Variants in LCLAT1 observed in about 807,000 individuals in gnomAD.
The protein encoded by LCLAT1 is 1-AGP acyltransferase 8.
LCLAT1 carries 11 observed loss-of-function variants against 30.7 expected under a neutral mutation model. The ratio of observed to expected loss-of-function variants is 0.36; its 90% CI spans 0.23 to 0.59. The LOEUF is 0.59. LCLAT1 is among the 20% of genes least tolerant of loss of function. The pLI is 0.77. For synonymous variants in LCLAT1, 155 were observed against 151.3 expected (o/e 1.02, Z -0.18); for missense variants, 402 against 458.6 (o/e 0.88, Z 1.13).
intron 2 of LCLAT1, among the ~76,000 whole-genome samples, chr2:30,529,371 T>C (rs1362732809): frequency 6.6e-6 from 1 of 152,264 alleles, no homozygotes; most frequent in Non-Finnish European, 1.5e-5. Flanking sequence ...AACCTAACTC[T>C]GTGGGCAAGA....
intron 1 of LCLAT1, among the ~76,000 whole-genome samples, chr2:30,498,976 A>G (rs1684239531): frequency 6.6e-6 from 1 of 152,218 alleles, no homozygotes; most frequent in African/African-American, 2.4e-5. Flanking sequence ...ATCAACTACC[A>G]GGCAGTCTGG....
intron 3 of LCLAT1, among the ~76,000 whole-genome samples, chr2:30,548,752 A>G (rs1334858146): frequency 2.6e-5 from 4 of 152,182 alleles, no homozygotes; most frequent in South Asian, 4.1e-4. Flanking sequence ...TTACAAGGCA[A>G]TTTCAAAGTA....
chr2:30,585,271 A>G (rs1666384124), intron 5 of LCLAT1, among the ~76,000 whole-genome samples: 1 of 151,262 alleles, frequency 6.6e-6, no homozygotes, highest in Non-Finnish European at 1.5e-5. Context: ...TCCTCGGTAA[A>G]AAAAAATACC....
At chr2:30,534,940 T>C (rs529270718) in intron 3 of LCLAT1, among the ~76,000 whole-genome samples, 6 of 152,252 alleles carry the variant, frequency 3.9e-5, no homozygotes, top group African/African-American at 1.4e-4. Context: ...TGATTCTACA[T>C]GAGATATACT....
intron 2 of LCLAT1, 96 bp from the exon 3 acceptor site, chr2:30,533,018 CAT>C (rs1686054351): frequency 1.2e-6 from 1 of 861,386 alleles, no homozygotes; most frequent in African/African-American, 1.7e-5. Context: ...CTAACTTTTA[CAT>C]GTTAGAAATC....
In LCLAT1 at chr2:30,455,909, C is replaced by CAAA. The variant is rs3060184; in HGVS notation, c.-5+8552_-5+8554dup. Among the ~76,000 whole-genome samples, 597 of 60,990 alleles carry CAAA rather than the reference C, an allele frequency of 9.8e-3. 12 individuals are homozygous for CAAA. Among genetic ancestry groups the CAAA allele is most frequent in the South Asian group, 0.029 (37 of 1,266 alleles). The allele number at this position is 60,990 out of a possible 152,430, so 40.0% of individuals were successfully genotyped here. ...TGGGTGACGGAGTGAGACCCTATAT[C>CAAA]AAAAAAAAAAAAAAAAAAAAAAAAA... On this transcript the variant is annotated intron_variant, in intron 1 of 5. Transcript: ENST00000379509.
At chr2:30,518,605 G>T (rs1685309989) in intron 1 of LCLAT1, among the ~76,000 whole-genome samples, 1 of 152,196 alleles carries the variant, frequency 6.6e-6, no homozygotes, top group African/African-American at 2.4e-5. Context: ...AAGCCCAACG[G>T]ACAGTGGAGG....
intron 1 of LCLAT1, among the ~76,000 whole-genome samples, chr2:30,474,307 T>G (rs1682943750): frequency 6.6e-6 from 1 of 152,222 alleles, no homozygotes; most frequent in African/African-American, 2.4e-5. Flanking sequence ...TGTTGTAAAA[T>G]AGCTCCCATC....
At chr2:30,540,915 A>C (rs1664107523) in intron 3 of LCLAT1, among the ~76,000 whole-genome samples, 1 of 152,076 alleles carries the variant, frequency 6.6e-6, no homozygotes, top group Non-Finnish European at 1.5e-5. Flanking sequence ...CGCCTGCCTT[A>C]GCCTCCCAAA....
intron 1 of LCLAT1, chr2:30,459,617 A>G: frequency 6.2e-7 from 1 of 1,611,948 alleles, no homozygotes; most frequent in East Asian, 2.2e-5. Context: ...TGATATATGC[A>G]TTCCAGGGGA....
At chr2:30,599,039 G>A (rs1300142591) in intron 5 of LCLAT1, among the ~76,000 whole-genome samples, 1 of 151,418 alleles carries the variant, frequency 6.6e-6, no homozygotes, top group Admixed American at 6.6e-5. Flanking sequence ...CTAGAGTGCA[G>A]TGGCGTGATC....
intron 5 of LCLAT1, among the ~76,000 whole-genome samples, chr2:30,591,445 T>C (rs775214826): frequency 2.6e-5 from 4 of 152,340 alleles, no homozygotes; most frequent in African/African-American, 9.6e-5. Flanking sequence ...TTAAGTACAA[T>C]ATTTATGTTG....
At chr2:30,461,687 G>A (rs534455325) in intron 1 of LCLAT1, among the ~76,000 whole-genome samples, 2 of 152,098 alleles carry the variant, frequency 1.3e-5, no homozygotes, top group South Asian at 2.1e-4. Context: ...TAACCCTTTG[G>A]GTTGGGCCAA....
At chr2:30,591,940 T>C (rs1309904577) in intron 5 of LCLAT1, among the ~76,000 whole-genome samples, 1 of 152,184 alleles carries the variant, frequency 6.6e-6, no homozygotes, top group Admixed American at 6.5e-5. Flanking sequence ...CTTCTACATT[T>C]TTACACTGTT....
At chr2:30,616,446 G>C (rs539724173) in intron 5 of LCLAT1, among the ~76,000 whole-genome samples, 10 of 152,216 alleles carry the variant, frequency 6.6e-5, no homozygotes, top group Non-Finnish European at 1.0e-4. Context: ...TGCTACTACT[G>C]TAGTAATCTA....
At chr2:30,475,230 C>T (rs936200235) in intron 1 of LCLAT1, among the ~76,000 whole-genome samples, 7 of 152,148 alleles carry the variant, frequency 4.6e-5, no homozygotes, top group African/African-American at 1.7e-4. Flanking sequence ...AACTCCTGGG[C>T]TCAAGTGATA....
rs1326607290 is a variant in LCLAT1 at position 30,640,533 on chromosome 2, A to G, written c.1045A>G (p.Ile349Val). 2 of 1,614,040 alleles carry G rather than the reference A, an allele frequency of 1.2e-6. No homozygotes were observed. The highest frequency in any genetic ancestry group is 2.7e-5 in the African/African-American group (2 of 74,930). Reference protein sequence around the residue: ...TIVIFVLQERIFGGLEIIELA... With the variant: ...TIVIFVLQERVFGGLEIIELA... Reference sequence around the variant, plus strand: ...TGTAATCTTTGTGCTGCAAGAGAGAATATTTGGTGGACTGGAGATCATAGA... The same window carrying G: ...TGTAATCTTTGTGCTGCAAGAGAGAGTATTTGGTGGACTGGAGATCATAGA... Residue 349 changes from isoleucine (I) to valine (V), a missense_variant, in exon 6 of 6, where the codon ATA (isoleucine) becomes GTA (valine). Transcript: ENST00000379509.
intron 5 of LCLAT1, among the ~76,000 whole-genome samples, chr2:30,591,715 A>G (rs932621403): frequency 3.9e-5 from 6 of 152,208 alleles, no homozygotes; most frequent in Non-Finnish European, 7.3e-5. Context: ...TAGAGCCCAC[A>G]GTCTATTAAG....
intron 5 of LCLAT1, among the ~76,000 whole-genome samples, chr2:30,593,130 T>C (rs969479206): frequency 2.0e-5 from 3 of 152,198 alleles, no homozygotes; most frequent in African/African-American, 4.8e-5. Flanking sequence ...AGATCCACTT[T>C]TTTAGCACCC....
Sources: allele counts gnomAD v4.1 joint callset (sites outside exome capture counted in the v4.1 genomes callset), GRCh38; gene constraint gnomAD v4.1.1; transcripts MANE v1.5; gene names NCBI Gene and HGNC (gene_info 2026-07-23, HGNC 2026-07-21).